DAB1: variants seen among roughly 807,000 people sequenced by gnomAD.
DAB1 encodes disabled homolog 1.
Under a neutral mutation model 64.6 loss-of-function variants are expected in DAB1, and 15 were observed. The observed-to-expected ratio is 0.23, with a 90% confidence interval of 0.16 to 0.36. DAB1 has a LOEUF of 0.36. Among genes scored for constraint, DAB1 ranks in the 10% least tolerant of loss-of-function variants. DAB1 has a pLI of 1.00. For missense variants in DAB1, 596 were observed against 706.7 expected (o/e 0.84, Z 1.78); for synonymous variants, 235 against 251.9 (o/e 0.93, Z 0.64).
chr1:57,764,062 G>A (rs1233451440), intron 6 of DAB1, among the ~76,000 whole-genome samples: 1 of 152,126 alleles, frequency 6.6e-6, no homozygotes, highest in Non-Finnish European at 1.5e-5. Context: ...TTTTCATTCA[G>A]AAGCCAGAGA....
intron 3 of DAB1, among the ~76,000 whole-genome samples, chr1:58,381,272 C>T (rs1002268561): frequency 8.6e-5 from 13 of 151,726 alleles, no homozygotes; most frequent in South Asian, 2.1e-4. Flanking sequence ...AAGAAATCTG[C>T]GCATGCTACA....
At chr1:57,596,294 C>T (rs541967909) in intron 7 of DAB1, among the ~76,000 whole-genome samples, 2 of 144,322 alleles carry the variant, frequency 1.4e-5, no homozygotes, top group African/African-American at 4.9e-5. Flanking sequence ...AACTGCTACT[C>T]ACCTTCAGGT....
chr1:57,494,940 G>A (rs778505981), intron 7 of DAB1, among the ~76,000 whole-genome samples: 1 of 152,108 alleles, frequency 6.6e-6, no homozygotes, highest in Non-Finnish European at 1.5e-5. Flanking sequence ...GGAAGTGTCA[G>A]CACGGATGAC....
chr1:57,953,674 A>G (rs1178138520), intron 5 of DAB1, among the ~76,000 whole-genome samples: 1 of 152,190 alleles, frequency 6.6e-6, no homozygotes, highest in Non-Finnish European at 1.5e-5. Context: ...TAAGGACGCC[A>G]TCAAGCTGAG....
intron 2 of DAB1, among the ~76,000 whole-genome samples, chr1:57,283,761 T>C (rs1358393553): frequency 6.6e-6 from 1 of 152,204 alleles, no homozygotes. Flanking sequence ...GAACATAAGT[T>C]GTTTGGGATC....
chr1:57,006,627 G>T (rs920235635), intron 14 of DAB1, among the ~76,000 whole-genome samples: 1 of 152,152 alleles, frequency 6.6e-6, no homozygotes, highest in Admixed American at 6.5e-5. Context: ...TGTTCATAAA[G>T]GTCCAAGGAA....
At chr1:58,256,769 G>A (rs1034501488) in intron 4 of DAB1, among the ~76,000 whole-genome samples, 1 of 152,040 alleles carries the variant, frequency 6.6e-6, no homozygotes, top group Non-Finnish European at 1.5e-5. Flanking sequence ...ATATAGGCTT[G>A]GAAAACATTT....
At chr1:57,590,676 T>C (rs1645434622) in intron 7 of DAB1, among the ~76,000 whole-genome samples, 1 of 150,842 alleles carries the variant, frequency 6.6e-6, no homozygotes. Flanking sequence ...ACAGTCATGC[T>C]GGGGGTTAGG....
chr1:58,458,519 G>C (rs1645212512), intron 3 of DAB1, among the ~76,000 whole-genome samples: 1 of 152,202 alleles, frequency 6.6e-6, no homozygotes, highest in Non-Finnish European at 1.5e-5. Context: ...AATATGTTTT[G>C]CAGGCTGGGT....
At chr1:57,605,379 A>C (rs1645624206) in intron 7 of DAB1, among the ~76,000 whole-genome samples, 1 of 152,174 alleles carries the variant, frequency 6.6e-6, no homozygotes, top group Admixed American at 6.5e-5. Flanking sequence ...AGTAGATCGG[A>C]GGCCTCTGTT....
rs139668841 is a variant in DAB1, at chr1:57,491,156, C to T, written n.625+158436G>A. ...TAACAATATATTTTTTGGCTGGGCG[C>T]GGTGGCTCACGCCTGTAATCCCAGC... On this transcript the variant is annotated intron_variant and non_coding_transcript_variant, in intron 7 of 20. Transcript: ENST00000485760. 2.5e-3 allele frequency among the ~76,000 whole-genome samples: 386 copies of T among 152,234 alleles called. 4 individuals carry two copies. Among genetic ancestry groups the T allele is most frequent in the African/African-American group, 8.5e-3 (352 of 41,542 alleles).
At chr1:57,948,003 A>T (rs976175715) in intron 5 of DAB1, among the ~76,000 whole-genome samples, 1 of 152,158 alleles carries the variant, frequency 6.6e-6, no homozygotes, top group Admixed American at 6.6e-5. Context: ...ACAGTATGGT[A>T]CTTCTTACCT....
chr1:58,006,499 T>C lies in DAB1; in HGVS notation n.388-122337A>G, dbSNP rs1279709548. Among the ~76,000 whole-genome samples the C allele has an allele frequency of 2.0e-5, 3 of 152,322 alleles. No individual in the cohort carries two copies. In the East Asian group the frequency reaches 5.8e-4, roughly 29 times the overall value. ...TTAGGATCACAAAGATGAATCACTG[T>C]AGCATAGGTCCAGAGATAAGAAAGT... On this transcript the variant is annotated intron_variant and non_coding_transcript_variant, in intron 5 of 20. Transcript: ENST00000485760.
At chr1:57,843,171 G>T (rs1653128942) in intron 1 of DAB1, among the ~76,000 whole-genome samples, 1 of 152,168 alleles carries the variant, frequency 6.6e-6, no homozygotes, top group South Asian at 2.1e-4. Context: ...ATCATAAGTT[G>T]AACCCTGTAA....
At chr1:58,152,717 T>A (rs1156479071) in intron 4 of DAB1, among the ~76,000 whole-genome samples, 6 of 152,232 alleles carry the variant, frequency 3.9e-5, no homozygotes, top group Admixed American at 3.9e-4. Flanking sequence ...TTCACAGCAA[T>A]GACCATGAAA....
intron 6 of DAB1, among the ~76,000 whole-genome samples, chr1:57,665,053 G>A (rs921891268): frequency 9.9e-5 from 15 of 151,542 alleles, no homozygotes; most frequent in East Asian, 5.8e-4. Context: ...TAAAACCTAC[G>A]CCATAAACAA....
chr1:57,338,099 C>T (rs1308827461), intron 1 of DAB1, among the ~76,000 whole-genome samples: 1 of 152,092 alleles, frequency 6.6e-6, no homozygotes. Flanking sequence ...ACTCTTCCAC[C>T]TCAGCCTCCA....
intron 2 of DAB1, among the ~76,000 whole-genome samples, chr1:57,233,255 C>CTTTTTTTTTTTTTTTTT (rs1186221366): frequency 4.9e-5 from 3 of 60,808 alleles, no homozygotes; most frequent in African/African-American, 6.4e-5. Flanking sequence ...TGCTCCGATT[C>CTTTTTTTTTTTTTTTTT]TTTTTTTTTT....
intron 2 of DAB1, among the ~76,000 whole-genome samples, chr1:58,523,102 T>C (rs1299571988): frequency 6.6e-6 from 1 of 152,246 alleles, no homozygotes; most frequent in African/African-American, 2.4e-5. Context: ...CTTTTCTACC[T>C]GGCACCATTT....
Sources: allele counts gnomAD v4.1 joint callset (sites outside exome capture counted in the v4.1 genomes callset), GRCh38; gene constraint gnomAD v4.1.1; transcripts MANE v1.5; gene names NCBI Gene and HGNC (gene_info 2026-07-23, HGNC 2026-07-21).